Variants in MAP1B observed in about 807,000 individuals in gnomAD.
MAP1B encodes microtubule-associated protein 1B.
In MAP1B, 12 loss-of-function variants were observed where a neutral mutation model predicts 176.1. That is an observed-to-expected ratio of 0.07 (90% CI 0.04 to 0.11). The LOEUF is 0.11. Ranked by LOEUF, MAP1B falls within the 10% of genes least tolerant of loss-of-function variation. MAP1B has a pLI of 1.00. For missense variants in MAP1B, 2,523 were observed against 2,990.5 expected (o/e 0.84, Z 3.65); for synonymous variants, 1,044 against 1,135.0 (o/e 0.92, Z 1.61).
chr5:72,126,803 T>G (rs535173702), intron 2 of MAP1B, among the ~76,000 whole-genome samples: 2 of 152,356 alleles, frequency 1.3e-5, no homozygotes, highest in African/African-American at 2.4e-5. Flanking sequence ...TTTATGACAC[T>G]CAGGCTGATT....
chr5:72,187,610 ATCT>A (rs1181843625), intron 4 of MAP1B, among the ~76,000 whole-genome samples: 1 of 152,130 alleles, frequency 6.6e-6, no homozygotes, highest in Non-Finnish European at 1.5e-5. Context: ...GAGTCCCCAC[ATCT>A]GTTTAAAACT....
chr5:72,112,756 C>G (rs1402604997), intron 1 of MAP1B, among the ~76,000 whole-genome samples: 1 of 152,208 alleles, frequency 6.6e-6, no homozygotes, highest in Non-Finnish European at 1.5e-5. Context: ...CTCCAACTGC[C>G]TGGAGTTATT....
rs529931758 is a variant in MAP1B at position 72,203,388 on chromosome 5, G to A, written c.7013-175G>A. Among the ~76,000 whole-genome samples the A allele has an allele frequency of 3.3e-5, 5 of 152,280 alleles. No individual in the cohort carries two copies. In the South Asian group the frequency reaches 8.3e-4, roughly 25 times the overall value. On this transcript the variant is annotated intron_variant, in intron 5 of 6. Transcript: ENST00000296755. Reference sequence around the variant, plus strand: ...TGTTATGTTTTGTCACATTGCTAGCGTAAATGCCCTTGACAGATTACCAGG... The same window carrying A: ...TGTTATGTTTTGTCACATTGCTAGCATAAATGCCCTTGACAGATTACCAGG...
At chr5:72,121,716 C>G (rs1304085804) in intron 2 of MAP1B, among the ~76,000 whole-genome samples, 3 of 152,174 alleles carry the variant, frequency 2.0e-5, no homozygotes, top group Admixed American at 6.5e-5. Context: ...ATATTTTAAG[C>G]CATCTTTCTC....
In MAP1B at chr5:72,204,198, C is replaced by A. The variant is rs137978605; in HGVS notation, c.7251+397C>A. Reference sequence around the variant, plus strand: ...TCCTTTGTGTTTTATGAGTAGACTGCGGCTAGGAATATGGCCATTTAGAAA... The same window carrying A: ...TCCTTTGTGTTTTATGAGTAGACTGAGGCTAGGAATATGGCCATTTAGAAA... On this transcript the variant is annotated intron_variant, in intron 6 of 6. Coordinates refer to ENST00000296755, the MANE Select transcript of MAP1B (RefSeq NM_005909.5). The surrounding 1 kb of genome is among the most constrained non-coding windows in gnomAD (Gnocchi z 4.4). Among the ~76,000 whole-genome samples, 3 of 152,086 alleles carry A rather than the reference C, an allele frequency of 2.0e-5. No individual in the cohort carries two copies. Among genetic ancestry groups the A allele is most frequent in the Non-Finnish European group, 4.4e-5 (3 of 68,014 alleles).
In MAP1B at chr5:72,196,496, T is replaced by C. The variant is rs373601105; in HGVS notation, c.3141T>C (p.Ala1047=). ...EKMEAEDYVM[A]VVDKAAEAGG... is the part of the protein sequence containing the mutation. Reference sequence around the variant, plus strand: ...TGGAAGCTGAAGACTATGTGATGGCTGTGGTCGACAAGGCTGCAGAGGCTG... The same window carrying C: ...TGGAAGCTGAAGACTATGTGATGGCCGTGGTCGACAAGGCTGCAGAGGCTG... Residue 1047 remains alanine (A), a synonymous_variant, in exon 5 of 7, where the codon GCT becomes GCC. Transcript: ENST00000296755. This position sits in a 1 kb window ranked among gnomAD's most constrained non-coding sequence, Gnocchi z 5.3. 6.8e-6 allele frequency: 11 copies of C among 1,613,796 alleles called. No individual in the cohort carries two copies. In the East Asian group the frequency reaches 2.5e-4, roughly 36 times the overall value.
At chr5:72,141,301 C>A (rs1745943697) in intron 2 of MAP1B, among the ~76,000 whole-genome samples, 1 of 152,204 alleles carries the variant, frequency 6.6e-6, no homozygotes, top group Non-Finnish European at 1.5e-5. Context: ...TGGGGCTGAC[C>A]AGTGGTCACC....
chr5:72,198,366 A>G lies in MAP1B; in HGVS notation c.5011A>G (p.Thr1671Ala), dbSNP rs780751457. 2.3e-5 allele frequency: 37 copies of G among 1,614,024 alleles called. No individual in the cohort carries two copies. The highest frequency in any genetic ancestry group is 4.0e-5 in the African/African-American group (3 of 74,922). Residue 1671 changes from threonine to alanine, a missense_variant, in exon 5 of 7, where the codon ACA becomes GCA. Around this residue, in one of 4 missense-constraint regions of MAP1B, gnomAD observed 1,925 missense variants for 2,126.0 expected, o/e 0.91. Transcript: ENST00000296755. ...CAGTCGACAGTCTCCAGATCACCCT[A>G]CAGTGGGTGCAGGCGTGCTTCACAT... ...DFSRQSPDHP[T>A]VGAGVLHITE...
At chr5:72,151,038 TA>T (rs1746130205) in intron 2 of MAP1B, among the ~76,000 whole-genome samples, 1 of 128,006 alleles carries the variant, frequency 7.8e-6, no homozygotes, top group South Asian at 2.4e-4. Context: ...ATTGTTTATG[TA>T]AAAAAAGAGG....
chr5:72,155,382 T>C (rs1467528725), intron 2 of MAP1B, among the ~76,000 whole-genome samples: 1 of 152,228 alleles, frequency 6.6e-6, no homozygotes, highest in Non-Finnish European at 1.5e-5. Flanking sequence ...ATGTGATTCA[T>C]CGAGACTGTG....
At chr5:72,205,014 C>A in intron 6 of MAP1B, 70 bp from the exon 7 acceptor site, 1 of 1,273,444 alleles carries the variant, frequency 7.9e-7, no homozygotes. Flanking sequence ...TAATACCTTG[C>A]TATTCAATTT....
rs1271167562 is a variant in MAP1B at position 72,196,469 on chromosome 5, A to C, written c.3114A>C (p.Lys1038Asn). 6.2e-7 allele frequency: 1 copy of C among 1,613,860 alleles called. No homozygotes were observed. The highest frequency in any genetic ancestry group is 1.7e-5 in the Admixed American group (1 of 60,026). The change falls in exon 5 of 7, where the codon AAA becomes AAC. Residue 1038 changes from lysine to asparagine, a missense_variant. This residue lies in a region of MAP1B where 1,925 missense variants were observed against 2,126.0 expected (regional missense o/e 0.91). Transcript: ENST00000296755. The surrounding 1 kb of genome is among the most constrained non-coding windows in gnomAD (Gnocchi z 5.3). The part of the protein sequence containing the change: ...DAREEEYEPE[K>N]MEAEDYVMAV... ...GAGAGGAGGAATATGAGCCGGAAAAAATGGAAGCTGAAGACTATGTGATGG... is the reference window on the plus strand; with the variant it reads ...GAGAGGAGGAATATGAGCCGGAAAACATGGAAGCTGAAGACTATGTGATGG...
rs575598754 is a variant in MAP1B, at chr5:72,174,676, G to T, written c.287-9067G>T. The stretch of plus-strand genomic sequence containing the variant: ...TCCTTTCTTGTGCGTTGAGGGGCAT[G>T]TGTATTTTCCTTTGTCTGCAGCAGG... On this transcript the variant is annotated intron_variant, in intron 2 of 6. Transcript: ENST00000296755. Among the ~76,000 whole-genome samples the T allele has an allele frequency of 3.2e-3, 491 of 152,326 alleles. 2 individuals are homozygous for T. Among genetic ancestry groups the T allele is most frequent in the Non-Finnish European group, 4.8e-3 (325 of 68,026 alleles).
intron 2 of MAP1B, among the ~76,000 whole-genome samples, chr5:72,152,505 G>A (rs1746158365): frequency 6.6e-6 from 1 of 152,134 alleles, no homozygotes; most frequent in Non-Finnish European, 1.5e-5. Flanking sequence ...GGAGTGCAGT[G>A]GCGCAATCTC....
At chr5:72,153,341 C>A (rs1746176854) in intron 2 of MAP1B, among the ~76,000 whole-genome samples, 1 of 152,106 alleles carries the variant, frequency 6.6e-6, no homozygotes, top group Non-Finnish European at 1.5e-5. Context: ...CTCTACCTCA[C>A]ACATGCAGGG....
intron 2 of MAP1B, among the ~76,000 whole-genome samples, chr5:72,175,599 C>T (rs912643678): frequency 6.6e-6 from 1 of 152,106 alleles, no homozygotes; most frequent in Non-Finnish European, 1.5e-5. Context: ...CCTTGATATC[C>T]TTGATTCTCA....
At chr5:72,178,368 C>A (rs1403603155) in intron 2 of MAP1B, among the ~76,000 whole-genome samples, 1 of 152,218 alleles carries the variant, frequency 6.6e-6, no homozygotes, top group Non-Finnish European at 1.5e-5. Context: ...CCAAACTTTA[C>A]TTTTAGCTAA....
chr5:72,192,766 G>C (rs1417822299), intron 4 of MAP1B, among the ~76,000 whole-genome samples: 1 of 152,202 alleles, frequency 6.6e-6, no homozygotes, highest in African/African-American at 2.4e-5. Flanking sequence ...GCTTTACTGA[G>C]ACGGAAAGAA....
rs1247833639 is a variant in MAP1B, at chr5:72,199,596, G to A, written c.6241G>A (p.Asp2081Asn). 5 of 1,614,138 alleles carry A rather than the reference G, an allele frequency of 3.1e-6. No individual in the cohort carries two copies. The highest frequency in any genetic ancestry group is 2.2e-5 in the East Asian group (1 of 44,876). Reference sequence around the variant, plus strand: ...CCCCTCAGAAGCCCGTCAGGATGTCGATTTATGCCTCGTGTCCTCTTGTGA... The same window carrying A: ...CCCCTCAGAAGCCCGTCAGGATGTCAATTTATGCCTCGTGTCCTCTTGTGA... ...KSPSEARQDV[D>N]LCLVSSCEYK... The change falls in exon 5 of 7, where the codon GAT (aspartate) becomes AAT (asparagine). Residue 2081 changes from aspartate (D) to asparagine (N), a missense_variant. Physicochemically the swap from Asp to Asn is conservative, Grantham distance 23. Coordinates refer to ENST00000296755, the MANE Select transcript of MAP1B (RefSeq NM_005909.5). The surrounding 1 kb of genome is among the most constrained non-coding windows in gnomAD (Gnocchi z 4.2).
Sources: gnomAD v4.1 joint callset for allele counts (sites outside exome capture counted in the v4.1 genomes callset) on GRCh38, gnomAD v4.1.1 for gene constraint, gnomAD v4.1.1 regional missense constraint, Gnocchi (gnomAD v3.1) non-coding constraint, MANE v1.5 for transcripts, NCBI Gene and HGNC (gene_info 2026-07-23, HGNC 2026-07-21) for gene names.